The following SPATA16 variants were observed in gnomAD, a reference collection of about 807,000 sequenced individuals.
SPATA16 encodes the protein spermatogenesis associated 16, also known as spermatogenesis-associated protein 16.
SPATA16 carries 36 observed loss-of-function variants against 63.3 expected under a neutral mutation model. The ratio of observed to expected loss-of-function variants is 0.57; its 90% CI spans 0.44 to 0.75. The LOEUF (loss-of-function observed/expected upper bound fraction) is 0.75, where lower values mean the gene tolerates loss of function less well. Among genes scored for constraint, SPATA16 ranks in the 30% least tolerant of loss-of-function variants. The probability of loss-of-function intolerance (pLI) is 0.00; values close to 1 mark genes in which losing one functional copy is unlikely to be tolerated. For missense variants in SPATA16, 646 were observed against 679.3 expected, an observed-to-expected ratio of 0.95 and a Z score of 0.54; for synonymous variants, 203 against 216.7, an observed-to-expected ratio of 0.94 and a Z score of 0.56.
intron 6 of SPATA16, among the ~76,000 whole-genome samples, chr3:172,948,009 A>G (rs1012475045): frequency 6.6e-6 from 1 of 151,772 alleles, no homozygotes; most frequent in African/African-American, 2.4e-5. Context: ...AAAAGTACAA[A>G]TATAAGAGTT....
rs541801266 is a variant in SPATA16 at position 173,069,112 on chromosome 3, GA to G, written c.613-20019del. Among the ~76,000 whole-genome samples, 201 of 109,108 alleles carry G rather than the reference GA, an allele frequency of 1.8e-3. 2 individuals are homozygous for G. The highest frequency in any genetic ancestry group is 4.8e-3 in the African/African-American group (131 of 27,384). 71.6% of individuals were successfully genotyped at this position (109,108 alleles called of 152,430 possible). A position where few individuals can be genotyped will look rare whatever the true frequency, so the allele number is the denominator to read the frequency against. The stretch of plus-strand genomic sequence containing the variant: ...GCAGCAGTACGAGACTCCGTCTCAA[GA>G]AAAAAAAAAAAAAGAAAGAAAGAAA... On this transcript the variant is annotated intron_variant, in intron 2 of 10. Transcript: ENST00000351008.
At chr3:173,091,869 C>G (rs1737231534) in intron 2 of SPATA16, among the ~76,000 whole-genome samples, 1 of 152,080 alleles carries the variant, frequency 6.6e-6, no homozygotes. Context: ...ATAGCTTTTG[C>G]ATGTCTTGTC....
At chr3:173,081,593 C>A (rs907364740) in intron 2 of SPATA16, among the ~76,000 whole-genome samples, 1 of 152,052 alleles carries the variant, frequency 6.6e-6, no homozygotes, top group East Asian at 1.9e-4. Context: ...GAAACTCATG[C>A]CTTAAAAAGG....
chr3:173,112,847 A>G (rs1031685922), intron 2 of SPATA16, among the ~76,000 whole-genome samples: 3 of 152,158 alleles, frequency 2.0e-5, no homozygotes, highest in African/African-American at 7.2e-5. Context: ...GGATTGTTTG[A>G]AGCTGTGAAT....
At chr3:172,955,105 T>C (rs1733538584) in intron 6 of SPATA16, among the ~76,000 whole-genome samples, 1 of 152,244 alleles carries the variant, frequency 6.6e-6, no homozygotes, top group South Asian at 2.1e-4. Context: ...TAGAATTACA[T>C]GAGACATGAG....
intron 4 of SPATA16, among the ~76,000 whole-genome samples, chr3:172,985,562 C>T (rs1734433578): frequency 6.6e-6 from 1 of 152,032 alleles, no homozygotes; most frequent in Non-Finnish European, 1.5e-5. Flanking sequence ...TGTTAAGTAC[C>T]TTATGTTAAC....
At position 172,900,575 on chromosome 3, in the gene SPATA16, C is replaced by T. The variant is rs1222679336; in HGVS notation, c.1588-10883G>A. Among the ~76,000 whole-genome samples, 7 of 152,222 alleles carry T rather than the reference C, an allele frequency of 4.6e-5. No individual in the cohort carries two copies. The South Asian group carries it at 1.5e-3, about 32-fold the overall frequency. ...AATCTGTTATTACAGTCTTACAGAT[C>T]CCAGAGCCTTTTTTTTACAGTTTAT... On this transcript the variant is annotated intron_variant, in intron 10 of 10. Transcript: ENST00000351008.
intron 4 of SPATA16, among the ~76,000 whole-genome samples, chr3:172,989,098 T>C (rs1046579154): frequency 9.2e-5 from 14 of 152,190 alleles, no homozygotes; most frequent in African/African-American, 3.4e-4. Context: ...CTTCTTTCTT[T>C]CCAATGTGTT....
At chr3:172,968,165 C>G (rs1733962290) in intron 5 of SPATA16, among the ~76,000 whole-genome samples, 1 of 152,190 alleles carries the variant, frequency 6.6e-6, no homozygotes, top group Non-Finnish European at 1.5e-5. Context: ...CCTTAATTAT[C>G]AACGTGCAGA....
intron 10 of SPATA16, among the ~76,000 whole-genome samples, chr3:172,901,475 C>T (rs1732125712): frequency 6.6e-6 from 1 of 152,348 alleles, no homozygotes; most frequent in East Asian, 1.9e-4. Flanking sequence ...GTTGAGATTA[C>T]AGGCATGAAC....
At chr3:173,124,848 A>G (rs959798000) in intron 1 of SPATA16, among the ~76,000 whole-genome samples, 7 of 151,952 alleles carry the variant, frequency 4.6e-5, no homozygotes, top group Admixed American at 4.6e-4. Flanking sequence ...AAGAGCCCAC[A>G]TGGAGCCCCT....
At chr3:172,896,343 C>T (rs1448922067) in intron 10 of SPATA16, among the ~76,000 whole-genome samples, 3 of 152,186 alleles carry the variant, frequency 2.0e-5, no homozygotes, top group Non-Finnish European at 4.4e-5. Context: ...GCCTCAGCCT[C>T]CCGAGTAGCT....
intron 6 of SPATA16, among the ~76,000 whole-genome samples, chr3:172,934,130 A>G (rs898100448): frequency 3.9e-5 from 6 of 152,028 alleles, no homozygotes; most frequent in African/African-American, 1.2e-4. Context: ...TATAATTATT[A>G]TTTTCCCACT....
chr3:172,937,265 G>A (rs970729768), intron 6 of SPATA16, among the ~76,000 whole-genome samples: 2 of 152,184 alleles, frequency 1.3e-5, no homozygotes, highest in African/African-American at 4.8e-5. Flanking sequence ...GAAATGGTGA[G>A]GGAGGAGGAA....
chr3:172,942,063 A>G lies in SPATA16; in HGVS notation c.1081+14614T>C, dbSNP rs551197263. Reference sequence around the variant, plus strand: ...AGGAGGGGGGAAAAGCATGTGGACTAAAGCCTATAATATGGCAGAAATAAC... The same window carrying G: ...AGGAGGGGGGAAAAGCATGTGGACTGAAGCCTATAATATGGCAGAAATAAC... On this transcript the variant is annotated intron_variant, in intron 6 of 10. Transcript: ENST00000351008. Among the ~76,000 whole-genome samples, 8 of 152,268 alleles carry G rather than the reference A, an allele frequency of 5.3e-5. No individual in the cohort carries two copies. The South Asian group carries it at 1.2e-3, about 24-fold the overall frequency.
intron 8 of SPATA16, among the ~76,000 whole-genome samples, chr3:172,922,876 C>T (rs897219571): frequency 1.3e-4 from 20 of 152,078 alleles, no homozygotes; most frequent in African/African-American, 4.3e-4. Flanking sequence ...GAGCCAAGAC[C>T]GCACCACTGC....
intron 4 of SPATA16, among the ~76,000 whole-genome samples, chr3:172,984,837 A>G (rs556572339): frequency 1.3e-5 from 2 of 152,220 alleles, no homozygotes; most frequent in Non-Finnish European, 2.9e-5. Flanking sequence ...CAACGGTACT[A>G]CTACTGCTAT....
chr3:173,051,255 T>G (rs1356763068), intron 2 of SPATA16, among the ~76,000 whole-genome samples: 1 of 152,182 alleles, frequency 6.6e-6, no homozygotes, highest in East Asian at 1.9e-4. Flanking sequence ...CAGGCTGGAG[T>G]GTAGTGGCGC....
At chr3:172,948,426 A>C (rs1733347061) in intron 6 of SPATA16, among the ~76,000 whole-genome samples, 1 of 152,132 alleles carries the variant, frequency 6.6e-6, no homozygotes, top group South Asian at 2.1e-4. Context: ...TTTCTCAGAC[A>C]AACAAAAGCT....
Sources: allele counts gnomAD v4.1 joint callset (sites outside exome capture counted in the v4.1 genomes callset), GRCh38; gene constraint gnomAD v4.1.1; transcripts MANE v1.5; gene names NCBI Gene and HGNC (gene_info 2026-07-23, HGNC 2026-07-21).